ZNF365: variants seen among roughly 807,000 people sequenced by gnomAD.
ZNF365 encodes protein ZNF365.
ZNF365 carries 22 observed loss-of-function variants against 35.0 expected under a neutral mutation model. The observed-to-expected ratio is 0.63, with a 90% confidence interval of 0.45 to 0.90. ZNF365 has a LOEUF of 0.90. Ranked by LOEUF, ZNF365 falls within the 40% of genes least tolerant of loss-of-function variation. The pLI is 0.00. For synonymous variants in ZNF365, 188 were observed against 196.2 expected (o/e 0.96, Z 0.35); for missense variants, 448 against 500.3 (o/e 0.90, Z 1.00).
At chr10:62,439,198 ATTC>A (rs1386789960) in intron 3 of ZNF365, among the ~76,000 whole-genome samples, 11 of 150,982 alleles carry the variant, frequency 7.3e-5, no homozygotes, top group Non-Finnish European at 1.6e-4. Context: ...ACCAATTTAA[ATTC>A]TTCTCATCTT....
Sources: allele counts gnomAD v4.1 joint callset (sites outside exome capture counted in the v4.1 genomes callset), GRCh38; gene constraint gnomAD v4.1.1; transcripts MANE v1.5; gene names NCBI Gene and HGNC (gene_info 2026-07-23, HGNC 2026-07-21).